ST8SIA1: variants seen among roughly 807,000 people sequenced by gnomAD.
ST8SIA1 encodes ST8 alpha-N-acetyl-neuraminide alpha-2,8-sialyltransferase 1.
In ST8SIA1, 16 loss-of-function variants were observed where a neutral mutation model predicts 35.9. The observed-to-expected ratio is 0.45, with a 90% CI of 0.30 to 0.68. The LOEUF is 0.68. ST8SIA1 is among the 30% of genes least tolerant of loss of function. The probability of loss-of-function intolerance (pLI) is 0.09; values close to 1 mark genes in which losing one functional copy is unlikely to be tolerated. For missense variants in ST8SIA1, 383 were observed against 453.6 expected, an observed-to-expected ratio of 0.84 and a Z score of 1.41; for synonymous variants, 170 against 169.6, an observed-to-expected ratio of 1.00 and a Z score of -0.02.
intron 2 of ST8SIA1, among the ~76,000 whole-genome samples, chr12:22,263,698 T>G (rs1363265453): frequency 6.6e-6 from 1 of 152,188 alleles, no homozygotes; most frequent in Non-Finnish European, 1.5e-5. Context: ...AACTCTTTTC[T>G]CTTTGACAGG....
At chr12:22,304,276 T>A (rs1866355861) in intron 1 of ST8SIA1, among the ~76,000 whole-genome samples, 1 of 152,098 alleles carries the variant, frequency 6.6e-6, no homozygotes, top group Non-Finnish European at 1.5e-5. Context: ...TGTGTTTGTA[T>A]TTAAAAGGCC....
intron 1 of ST8SIA1, among the ~76,000 whole-genome samples, chr12:22,292,938 C>A (rs1309632428): frequency 6.6e-6 from 1 of 152,096 alleles, no homozygotes; most frequent in Non-Finnish European, 1.5e-5. Flanking sequence ...GAATAAATAA[C>A]AAATAGGAAG....
At chr12:22,299,216 TA>T (rs34617030) in intron 1 of ST8SIA1, among the ~76,000 whole-genome samples, 44 of 152,190 alleles carry the variant, frequency 2.9e-4, no homozygotes, top group Admixed American at 2.5e-3. Context: ...ACATTCTTTC[TA>T]AAAAAAGTGT....
intron 4 of ST8SIA1, among the ~76,000 whole-genome samples, chr12:22,238,943 A>G (rs1487880628): frequency 6.6e-6 from 1 of 152,192 alleles, no homozygotes; most frequent in Non-Finnish European, 1.5e-5. Context: ...GTTTTTCAGA[A>G]AACATTTTCT....
chr12:22,312,913 T>C (rs1305018797), intron 1 of ST8SIA1, among the ~76,000 whole-genome samples: 1 of 152,202 alleles, frequency 6.6e-6, no homozygotes, highest in East Asian at 1.9e-4. Flanking sequence ...TGTGAATTAC[T>C]GGTCTAACCC....
In ST8SIA1 at chr12:22,196,908, G is replaced by C. The variant is rs759661409; in HGVS notation, c.*4644C>G. ...CTAGCTCAACTCTGGAGCCAAGGCAGCTCTCCTGGGAGAGGACAGAGACTG... is the reference window on the plus strand; with the variant it reads ...CTAGCTCAACTCTGGAGCCAAGGCACCTCTCCTGGGAGAGGACAGAGACTG... On this transcript the variant is annotated 3_prime_UTR_variant, in exon 5 of 5. Transcript: ENST00000396037. 1 of 152,258 alleles carries C rather than the reference G, an allele frequency of 6.6e-6. No individual in the cohort carries two copies. Among genetic ancestry groups the C allele is most frequent in the Non-Finnish European group, 1.5e-5 (1 of 68,098 alleles). The allele number at this position is 152,258 out of a possible 1,614,324, so 9.4% of individuals were successfully genotyped here. A position where few individuals can be genotyped will look rare whatever the true frequency, so the allele number is the denominator to read the frequency against.
At chr12:22,296,999 G>T (rs746577263) in intron 1 of ST8SIA1, among the ~76,000 whole-genome samples, 1 of 152,152 alleles carries the variant, frequency 6.6e-6, no homozygotes, top group Non-Finnish European at 1.5e-5. Context: ...CAGCAGGGTG[G>T]GATGCAGCGG....
At chr12:22,331,769 A>G (rs1383434929) in intron 1 of ST8SIA1, among the ~76,000 whole-genome samples, 24 of 152,204 alleles carry the variant, frequency 1.6e-4, no homozygotes, top group Admixed American at 1.5e-3. Context: ...TTAAGTGTAC[A>G]TGGCTGGGGA....
chr12:22,248,433 C>T (rs1168267268), intron 4 of ST8SIA1, among the ~76,000 whole-genome samples: 1 of 151,920 alleles, frequency 6.6e-6, no homozygotes, highest in Non-Finnish European at 1.5e-5. Flanking sequence ...CAGCAGCTTC[C>T]AAGATTCCAG....
In ST8SIA1 at chr12:22,329,351, G is replaced by GA. The variant is rs770651801; in HGVS notation, c.236+4645dup. On this transcript the variant is annotated intron_variant, in intron 1 of 4. Coordinates refer to ENST00000396037, the MANE Select transcript of ST8SIA1 (RefSeq NM_003034.4). ...ACCTACTTTATAAGGTTGCTTTGGG[G>GA]AAAAAAAAACATATATAAGTGCTAA... Among the ~76,000 whole-genome samples, 65 of 150,098 alleles carry GA rather than the reference G, an allele frequency of 4.3e-4. 1 individual carries two copies. Among genetic ancestry groups the GA allele is most frequent in the Middle Eastern group, 6.8e-3 (2 of 294 alleles).
intron 4 of ST8SIA1, among the ~76,000 whole-genome samples, chr12:22,227,723 T>A (rs1276074950): frequency 6.6e-6 from 1 of 152,212 alleles, no homozygotes; most frequent in Non-Finnish European, 1.5e-5. Flanking sequence ...AAGGTATATA[T>A]GGTATCCTTT....
chr12:22,312,767 A>C (rs1342039465), intron 1 of ST8SIA1, among the ~76,000 whole-genome samples: 2 of 152,098 alleles, frequency 1.3e-5, no homozygotes, highest in Non-Finnish European at 2.9e-5. Context: ...TTAAATTCCT[A>C]AAAGCATTAA....
chr12:22,201,906 C>A lies in ST8SIA1; in HGVS notation c.717G>T (p.Leu239=). The change falls in exon 5 of 5, where the codon CTG becomes CTT. Residue 239 remains leucine (L), a synonymous_variant. Transcript: ENST00000396037. ...TEPSLRVYYT[L]SDVGANQTVL... ...CTGTTTGATTGGCACCAACATCTGA[C>A]AGTGTATAATAAACCCTCAAAGATG... 6.2e-7 allele frequency: 1 copy of A among 1,614,134 alleles called. No homozygotes were observed. The highest frequency in any genetic ancestry group is 8.5e-7 in the Non-Finnish European group (1 of 1,179,974).
chr12:22,232,684 A>T (rs1265174737), intron 4 of ST8SIA1, among the ~76,000 whole-genome samples: 2 of 152,016 alleles, frequency 1.3e-5, no homozygotes. Flanking sequence ...TAGAAAGTGA[A>T]TAAAATAGGC....
intron 2 of ST8SIA1, among the ~76,000 whole-genome samples, chr12:22,257,620 G>A (rs147081565): frequency 4.6e-5 from 7 of 151,884 alleles, no homozygotes; most frequent in South Asian, 2.1e-4. Flanking sequence ...AGATCTCTGC[G>A]GGAACCCCTG....
chr12:22,205,506 T>G (rs1865097186), intron 4 of ST8SIA1, among the ~76,000 whole-genome samples: 1 of 152,204 alleles, frequency 6.6e-6, no homozygotes, highest in Non-Finnish European at 1.5e-5. Flanking sequence ...CAATAAGATT[T>G]TTTAAATTAC....
chr12:22,200,588 G>A lies in ST8SIA1; in HGVS notation c.*964C>T, dbSNP rs1865038770. 1 of 152,128 alleles carries A rather than the reference G, an allele frequency of 6.6e-6. No individual in the cohort carries two copies. The highest frequency in any genetic ancestry group is 2.1e-4 in the South Asian group (1 of 4,828). 9.4% of individuals were successfully genotyped at this position (152,128 alleles called of 1,614,324 possible). ...ATGCATACATGTCCTTTACCTTGCA[G>A]TGAATATGCCACAGTAGATAGAAAA... On this transcript the variant is annotated 3_prime_UTR_variant, in exon 5 of 5. Transcript: ENST00000396037.
chr12:22,244,762 T>G (rs1865580407), intron 4 of ST8SIA1, among the ~76,000 whole-genome samples: 1 of 152,226 alleles, frequency 6.6e-6, no homozygotes. Flanking sequence ...ACTTCATTTT[T>G]AGGTCTTAAC....
At chr12:22,325,368 G>T (rs996495719) in intron 1 of ST8SIA1, 1 of 694,570 alleles carries the variant, frequency 1.4e-6, no homozygotes, top group East Asian at 2.7e-5. Flanking sequence ...AGAATGTGTG[G>T]CTCTGAATTC....
Sources: allele counts gnomAD v4.1 joint callset (sites outside exome capture counted in the v4.1 genomes callset), GRCh38; gene constraint gnomAD v4.1.1; transcripts MANE v1.5; gene names NCBI Gene and HGNC (gene_info 2026-07-23, HGNC 2026-07-21).